DAPK1: variants seen among roughly 807,000 people sequenced by gnomAD.
DAPK1 encodes death-associated protein kinase 1.
DAPK1 carries 56 observed loss-of-function variants against 144.9 expected under a neutral mutation model. That is an observed-to-expected ratio of 0.39 (90% CI 0.31 to 0.48). The LOEUF is 0.48. DAPK1 is among the 20% of genes least tolerant of loss of function. The pLI, the probability that DAPK1 is intolerant of heterozygous loss-of-function variation, is 0.95. For synonymous variants in DAPK1, 690 were observed against 749.0 expected (o/e 0.92, Z 1.29); for missense variants, 1,454 against 1,875.4 (o/e 0.78, Z 4.15).
chr9:87,661,485 T>A (rs779113848), intron 18 of DAPK1, among the ~76,000 whole-genome samples: 2 of 152,160 alleles, frequency 1.3e-5, no homozygotes, highest in South Asian at 4.1e-4. Context: ...CTCCAACATC[T>A]GTTATTTTTT....
intron 2 of DAPK1, among the ~76,000 whole-genome samples, chr9:87,536,746 T>A (rs904290236): frequency 6.6e-6 from 1 of 152,184 alleles, no homozygotes; most frequent in Non-Finnish European, 1.5e-5. Context: ...GTTATTTGCC[T>A]TTAGGGCAAA....
chr9:87,582,054 A>G (rs1359562301), intron 2 of DAPK1, among the ~76,000 whole-genome samples: 2 of 152,218 alleles, frequency 1.3e-5, no homozygotes, highest in Admixed American at 1.3e-4. Context: ...AAAATGATCA[A>G]CTTTATGTTT....
At chr9:87,547,893 G>A (rs550217140) in intron 2 of DAPK1, among the ~76,000 whole-genome samples, 14 of 152,146 alleles carry the variant, frequency 9.2e-5, no homozygotes, top group East Asian at 7.7e-4. Flanking sequence ...GCACCTTCAC[G>A]GAAACATCTA....
intron 19 of DAPK1, among the ~76,000 whole-genome samples, chr9:87,680,464 G>T (rs1266239555): frequency 6.6e-6 from 1 of 152,130 alleles, no homozygotes; most frequent in East Asian, 1.9e-4. Flanking sequence ...AAAAGTGATG[G>T]TAGATATTTT....
chr9:87,610,952 AAGCACATACTTTATCT>A (rs201182728), intron 3 of DAPK1, among the ~76,000 whole-genome samples: 7,320 of 152,226 alleles, frequency 0.048, 247 homozygotes, highest in East Asian at 0.12. Flanking sequence ...TGTTTTATGT[AAGCACATACTTTATCT>A]AGCACATACT....
At chr9:87,655,958 C>A (rs1445757333) in intron 17 of DAPK1, among the ~76,000 whole-genome samples, 1 of 152,198 alleles carries the variant, frequency 6.6e-6, no homozygotes, top group African/African-American at 2.4e-5. Flanking sequence ...TCGTAGATGC[C>A]AAGGTGAATG....
At chr9:87,539,075 A>T (rs1272473546) in intron 2 of DAPK1, among the ~76,000 whole-genome samples, 1 of 151,276 alleles carries the variant, frequency 6.6e-6, no homozygotes, top group Admixed American at 6.6e-5. Context: ...AAGAGTTTTC[A>T]TAAAAGCCTA....
intron 3 of DAPK1, among the ~76,000 whole-genome samples, chr9:87,607,850 T>G (rs1044896284): frequency 3.3e-5 from 5 of 152,180 alleles, no homozygotes; most frequent in Non-Finnish European, 7.3e-5. Context: ...ATTCTCACAC[T>G]GCTATAAAGG....
rs371530974 is a variant in DAPK1 at position 87,686,627 on chromosome 9, G to A, written c.2301G>A (p.Pro767=). ...SVRSRSMMFE[P]GLTKGMLEVF... ...GGAGCCGCAGCATGATGTTCGAGCC[G>A]GGTCTTACCAAAGGGATGCTGGAGG... is the stretch of plus-strand genomic sequence containing the variant. The change falls in exon 21 of 26, where the codon CCG becomes CCA. Residue 767 remains proline (P), a synonymous_variant. Transcript: ENST00000408954. The surrounding 1 kb of genome is among the most constrained non-coding windows in gnomAD (Gnocchi z 4.2). The A allele has an allele frequency of 1.2e-5, 19 of 1,610,522 alleles. No individual in the cohort carries two copies. Among genetic ancestry groups the A allele is most frequent in the South Asian group, 3.3e-5 (3 of 90,646 alleles).
At chr9:87,582,342 G>A (rs1250226057) in intron 2 of DAPK1, among the ~76,000 whole-genome samples, 1 of 152,084 alleles carries the variant, frequency 6.6e-6, no homozygotes, top group Non-Finnish European at 1.5e-5. Flanking sequence ...AGCGTCTCTG[G>A]GACTGAAGCG....
At chr9:87,524,212 G>T (rs1386895781) in intron 2 of DAPK1, among the ~76,000 whole-genome samples, 2 of 152,144 alleles carry the variant, frequency 1.3e-5, no homozygotes, top group Non-Finnish European at 2.9e-5. Context: ...GTTTCTCTTG[G>T]CCCAAAGGCC....
intron 2 of DAPK1, among the ~76,000 whole-genome samples, chr9:87,565,484 A>G (rs188221392): frequency 4.5e-4 from 68 of 152,282 alleles, no homozygotes; most frequent in Non-Finnish European, 1.2e-4. Flanking sequence ...GTGCCTCACT[A>G]CAGGTCATTG....
At position 87,647,262 on chromosome 9, in the gene DAPK1, G is replaced by A. The variant is rs758179183; in HGVS notation, c.1231-43G>A. On this transcript the variant is annotated intron_variant, in intron 13 of 25. Coordinates refer to ENST00000408954, the MANE Select transcript of DAPK1 (RefSeq NM_004938.4). ...CTGAGGAATGCATGCATCTGGTGCT[G>A]TCAGCTCCCTAGAAATGTGACCCCA... is the stretch of plus-strand genomic sequence containing the variant. 8 of 1,513,460 alleles carry A rather than the reference G, an allele frequency of 5.3e-6. No homozygotes were observed. In the South Asian group the frequency reaches 7.9e-5, roughly 15 times the overall value. The allele number at this position is 1,513,460 out of a possible 1,614,324, so 93.8% of individuals were successfully genotyped here. A position where few individuals can be genotyped will look rare whatever the true frequency, so the allele number is the denominator to read the frequency against.
chr9:87,639,869 TTTAA>T, intron 7 of DAPK1, 54 bp downstream of exon 7: 1 of 1,584,826 alleles, frequency 6.3e-7, no homozygotes, highest in Non-Finnish European at 8.6e-7. Flanking sequence ...AGACCATAGG[TTTAA>T]TTAACCATTA....
intron 3 of DAPK1, among the ~76,000 whole-genome samples, chr9:87,623,051 C>A (rs1829359220): frequency 6.6e-6 from 1 of 152,182 alleles, no homozygotes; most frequent in Non-Finnish European, 1.5e-5. Context: ...TCATTTGAGT[C>A]AGTGGGTTGG....
intron 3 of DAPK1, among the ~76,000 whole-genome samples, chr9:87,624,541 A>G (rs1457589790): frequency 6.6e-6 from 1 of 152,224 alleles, no homozygotes; most frequent in Admixed American, 6.5e-5. Flanking sequence ...ACAGCTCTCA[A>G]TGGGTAGTGC....
rs1444868781 is a variant in DAPK1, at chr9:87,518,112, T to TGTTTTG, written c.62+18973_62+18974insGTTTTG. On this transcript the variant is annotated intron_variant, in intron 2 of 25. Transcript: ENST00000408954. ...TTTGCCGTTTATGTTGTTGTTTTTTTTTTTTTTTTTTTTTTCTGAGATGGA... is the reference window on the plus strand; with the variant it reads ...TTTGCCGTTTATGTTGTTGTTTTTTTGTTTTGTTTTTTTTTTTTTTTCTGAGATGGA... Among the ~76,000 whole-genome samples, 8 of 143,166 alleles carry TGTTTTG rather than the reference T, an allele frequency of 5.6e-5. 1 individual carries two copies. The highest frequency in any genetic ancestry group is 2.1e-4 in the African/African-American group (8 of 37,924). The allele number at this position is 143,166 out of a possible 152,430, so 93.9% of individuals were successfully genotyped here.
At chr9:87,505,776 G>A (rs1460087915) in intron 2 of DAPK1, among the ~76,000 whole-genome samples, 1 of 152,172 alleles carries the variant, frequency 6.6e-6, no homozygotes, top group Non-Finnish European at 1.5e-5. Context: ...TGCAACCTCT[G>A]CCTCCCCAGT....
intron 19 of DAPK1, among the ~76,000 whole-genome samples, chr9:87,671,827 TAATGCC>T (rs957850727): frequency 2.0e-5 from 3 of 152,236 alleles, no homozygotes; most frequent in African/African-American, 7.2e-5. Context: ...ATAGTCATCT[TAATGCC>T]CTAATTAAAG....
Sources: gnomAD v4.1 joint callset for allele counts (sites outside exome capture counted in the v4.1 genomes callset) on GRCh38, gnomAD v4.1.1 for gene constraint, Gnocchi (gnomAD v3.1) non-coding constraint, MANE v1.5 for transcripts, NCBI Gene and HGNC (gene_info 2026-07-23, HGNC 2026-07-21) for gene names.